The following RELN variants were observed in gnomAD, a reference collection of about 807,000 sequenced individuals.
RELN encodes the protein reelin.
In RELN, 108 loss-of-function variants were observed where a neutral mutation model predicts 427.6. The observed-to-expected ratio is 0.25, with a 90% CI of 0.22 to 0.30. The LOEUF (loss-of-function observed/expected upper bound fraction) is 0.30. Ranked by LOEUF, RELN falls within the 10% of genes least tolerant of loss-of-function variation. The pLI is 1.00. For missense variants in RELN, 3,715 were observed against 4,302.8 expected, an observed-to-expected ratio of 0.86 and a Z score of 3.82; for synonymous variants, 1,524 against 1,513.4, an observed-to-expected ratio of 1.01 and a Z score of -0.16.
At position 103,728,765 on chromosome 7, in the gene RELN, C is replaced by A. The variant is rs932819346; in HGVS notation, c.657-558G>T. Among the ~76,000 whole-genome samples the A allele has an allele frequency of 2.0e-5, 3 of 152,082 alleles. No individual in the cohort carries two copies. The East Asian group carries it at 5.8e-4, about 29-fold the overall frequency. On this transcript the variant is annotated intron_variant, in intron 6 of 64. Coordinates refer to ENST00000428762, the MANE Select transcript of RELN (RefSeq NM_005045.4). Reference sequence around the variant, plus strand: ...TGGTTAATGTAAATGTTTAAAATGACTGTCCTCAAACAAATCTGCATGTAT... The same window carrying A: ...TGGTTAATGTAAATGTTTAAAATGAATGTCCTCAAACAAATCTGCATGTAT...
chr7:103,622,003 G>A (rs62482568), intron 20 of RELN, among the ~76,000 whole-genome samples: 1 of 152,130 alleles, frequency 6.6e-6, no homozygotes, highest in Non-Finnish European at 1.5e-5. Context: ...GCAACAGTGT[G>A]AGACTCTGTC....
At chr7:103,858,155 GCA>G (rs1793989833) in intron 2 of RELN, among the ~76,000 whole-genome samples, 1 of 152,126 alleles carries the variant, frequency 6.6e-6, no homozygotes, top group Non-Finnish European at 1.5e-5. Flanking sequence ...AACAGGGCTG[GCA>G]CTCGGCAGCT....
chr7:103,735,958 T>C (rs996515472), intron 6 of RELN, among the ~76,000 whole-genome samples: 6 of 152,176 alleles, frequency 3.9e-5, no homozygotes, highest in African/African-American at 1.4e-4. Context: ...TTAAAGTTCT[T>C]TAAAACCGAA....
chr7:103,942,798 G>A (rs758420348), intron 1 of RELN, among the ~76,000 whole-genome samples: 9 of 152,188 alleles, frequency 5.9e-5, no homozygotes, highest in South Asian at 4.2e-4. Flanking sequence ...TGTAGTCCCC[G>A]CTACTCAGGA....
At chr7:103,895,555 T>C (rs1338615724) in intron 2 of RELN, among the ~76,000 whole-genome samples, 1 of 152,070 alleles carries the variant, frequency 6.6e-6, no homozygotes, top group East Asian at 1.9e-4. Flanking sequence ...AACGTATACA[T>C]GCAGAATGAA....
At position 103,728,253 on chromosome 7, in the gene RELN, C is replaced by T. The variant is rs373541828; in HGVS notation, c.657-46G>A. The stretch of plus-strand genomic sequence containing the variant: ...GTCCCCGTCTGAGAACTAAGTAGCA[C>T]ACGTGGTTTACTGCTCAGGTAAGAA... On this transcript the variant is annotated intron_variant, in intron 6 of 64. Transcript: ENST00000428762. 7 of 1,568,086 alleles carry T rather than the reference C, an allele frequency of 4.5e-6. No homozygotes were observed. The Admixed American group carries it at 5.0e-5, about 11-fold the overall frequency.
intron 4 of RELN, among the ~76,000 whole-genome samples, chr7:103,756,760 T>TTG (rs1464490894): frequency 1.3e-5 from 2 of 152,010 alleles, no homozygotes; most frequent in Non-Finnish European, 1.5e-5. Flanking sequence ...TTAGGAAGGT[T>TTG]TAATATATTT....
At chr7:103,716,741 T>C (rs1306763787) in intron 8 of RELN, among the ~76,000 whole-genome samples, 2 of 152,160 alleles carry the variant, frequency 1.3e-5, no homozygotes, top group African/African-American at 4.8e-5. Context: ...TCAAGGAATA[T>C]TTAAGTTAGA....
At chr7:103,574,777 A>G (rs948352211) in intron 29 of RELN, among the ~76,000 whole-genome samples, 1 of 152,192 alleles carries the variant, frequency 6.6e-6, no homozygotes, top group African/African-American at 2.4e-5. Flanking sequence ...GGGATACTGA[A>G]AAGCTGGGAA....
chr7:103,644,697 A>G (rs1392590372), intron 16 of RELN, among the ~76,000 whole-genome samples: 2 of 151,784 alleles, frequency 1.3e-5, no homozygotes, highest in Non-Finnish European at 2.9e-5. Flanking sequence ...AAAACTCTGG[A>G]AAGTCTATTT....
chr7:103,536,372 G>A (rs544607327), intron 45 of RELN, among the ~76,000 whole-genome samples: 4 of 151,894 alleles, frequency 2.6e-5, no homozygotes, highest in Non-Finnish European at 4.4e-5. Flanking sequence ...CCTCCCTTCC[G>A]AAATTGCTTT....
chr7:103,494,092 A>G (rs1828753404), intron 57 of RELN, among the ~76,000 whole-genome samples: 1 of 152,152 alleles, frequency 6.6e-6, no homozygotes. Flanking sequence ...CTCTTAAGGA[A>G]CAGGGCTTAG....
chr7:103,835,224 G>GT (rs1793370879), intron 2 of RELN, among the ~76,000 whole-genome samples: 1 of 152,176 alleles, frequency 6.6e-6, no homozygotes, highest in Non-Finnish European at 1.5e-5. Context: ...AATTCCAACT[G>GT]TATCACATTC....
intron 58 of RELN, 60 bp downstream of exon 58, chr7:103,491,893 C>CAT (rs1828682971): frequency 9.7e-7 from 1 of 1,031,634 alleles, no homozygotes. Context: ...CACACACACA[C>CAT]ACAACGATTT....
chr7:103,475,849 A>G (rs1054060209), intron 64 of RELN, among the ~76,000 whole-genome samples: 2 of 152,210 alleles, frequency 1.3e-5, no homozygotes, highest in African/African-American at 4.8e-5. Flanking sequence ...AAACCAATTT[A>G]GGGGACATTT....
At chr7:103,598,019 AT>A (rs1423350145) in intron 24 of RELN, among the ~76,000 whole-genome samples, 1 of 152,230 alleles carries the variant, frequency 6.6e-6, no homozygotes, top group African/African-American at 2.4e-5. Context: ...ACCTGAGATA[AT>A]ATACATAGTA....
intron 60 of RELN, 126 bp from the exon 61 acceptor site, chr7:103,486,542 A>G: frequency 1.3e-6 from 1 of 762,584 alleles, no homozygotes. Context: ...CAAGGAACTT[A>G]AACAACTTTA....
At chr7:103,829,268 G>A (rs1022717076) in intron 3 of RELN, among the ~76,000 whole-genome samples, 11 of 151,550 alleles carry the variant, frequency 7.3e-5, no homozygotes, top group Non-Finnish European at 7.4e-5. Context: ...TAGACGGTTT[G>A]GAGATTGGCT....
intron 29 of RELN, 25 bp from the exon 30 acceptor site, chr7:103,574,324 G>C (rs1310768418): frequency 1.9e-6 from 3 of 1,593,184 alleles, no homozygotes; most frequent in Non-Finnish European, 2.6e-6. Context: ...ATAGAGAGGA[G>C]AGATGCTTTG....
Sources: gnomAD v4.1 joint callset for allele counts (sites outside exome capture counted in the v4.1 genomes callset) on GRCh38, gnomAD v4.1.1 for gene constraint, MANE v1.5 for transcripts, NCBI Gene and HGNC (gene_info 2026-07-23, HGNC 2026-07-21) for gene names.